RGS6: variants seen among roughly 807,000 people sequenced by gnomAD.
RGS6 encodes regulator of G protein signaling 6.
A neutral mutation model predicts 78.5 loss-of-function variants in RGS6; 30 were observed. The ratio of observed to expected loss-of-function variants is 0.38; its 90% CI spans 0.29 to 0.52. The LOEUF is 0.52. RGS6 is among the 20% of genes least tolerant of loss of function. The pLI is 0.85. For synonymous variants in RGS6, 206 were observed against 206.0 expected, an observed-to-expected ratio of 1.00 and a Z score of 0.00; for missense variants, 495 against 609.7, an observed-to-expected ratio of 0.81 and a Z score of 1.98.
At position 72,053,137 on chromosome 14, in the gene RGS6, T is replaced by C. The variant is rs1278608840; in HGVS notation, c.84+88262T>C. On this transcript the variant is annotated intron_variant, in intron 2 of 17. Transcript: ENST00000553525. The stretch of plus-strand genomic sequence containing the variant: ...CCTTCCTTCCTTCCTTCCTTTCTTT[T>C]TTTGATGGAGTCTCGCTCTGTCACC... 4.7e-4 allele frequency among the ~76,000 whole-genome samples: 48 copies of C among 102,618 alleles called. No individual in the cohort carries two copies. The East Asian group carries it at 0.012, about 25-fold the overall frequency. The allele number at this position is 102,618 out of a possible 152,430, so 67.3% of individuals were successfully genotyped here.
intron 2 of RGS6, among the ~76,000 whole-genome samples, chr14:72,130,664 G>A (rs2096294492): frequency 6.6e-6 from 1 of 152,202 alleles, no homozygotes; most frequent in South Asian, 2.1e-4. Flanking sequence ...GACAAAGAAT[G>A]TGTGGCCATC....
intron 3 of RGS6, among the ~76,000 whole-genome samples, chr14:72,367,086 A>G (rs1358096129): frequency 6.6e-6 from 1 of 152,200 alleles, no homozygotes; most frequent in African/African-American, 2.4e-5. Context: ...AATCACAGTT[A>G]AGGACAGAAC....
intron 17 of RGS6, among the ~76,000 whole-genome samples, chr14:72,544,049 T>G (rs2097360511): frequency 6.6e-6 from 1 of 152,184 alleles, no homozygotes; most frequent in South Asian, 2.1e-4. Context: ...CTCTTAAGTG[T>G]GCTTGTTGCT....
intron 2 of RGS6, among the ~76,000 whole-genome samples, chr14:72,249,759 G>GA (rs1015765890): frequency 2.6e-5 from 4 of 151,784 alleles, no homozygotes; most frequent in Non-Finnish European, 2.9e-5. Flanking sequence ...GAAACTGTGA[G>GA]AAAAAAAAGT....
At chr14:72,259,915 A>AAAAAAAAAAAAAAAAAAAAAG (rs2057827276) in intron 2 of RGS6, among the ~76,000 whole-genome samples, 1 of 149,912 alleles carries the variant, frequency 6.7e-6, no homozygotes, top group African/African-American at 2.5e-5. Context: ...CGTCTCAAAA[A>AAAAAAAAAAAAAAAAAAAAAG]AAAAAAAAAA....
intron 2 of RGS6, among the ~76,000 whole-genome samples, chr14:72,031,710 T>A (rs1224314150): frequency 6.6e-6 from 1 of 152,210 alleles, no homozygotes; most frequent in Non-Finnish European, 1.5e-5. Flanking sequence ...TAACACTTGC[T>A]TATATTTCAT....
chr14:72,205,678 G>A (rs1045691825), intron 2 of RGS6, among the ~76,000 whole-genome samples: 1 of 152,216 alleles, frequency 6.6e-6, no homozygotes, highest in African/African-American at 2.4e-5. Context: ...TGTGTGCAAA[G>A]GTTTCTGGTG....
At position 72,365,208 on chromosome 14, in the gene RGS6, T is replaced by C. The variant is rs190482808; in HGVS notation, c.184+13014T>C. On this transcript the variant is annotated intron_variant, in intron 3 of 17. Coordinates refer to ENST00000553525, the MANE Select transcript of RGS6 (RefSeq NM_001204424.2). ...TAAAGAGAACATTCTAGAAAAAGAATGTACTTGCCAAAAAAGTCAAAACTG... is the reference window on the plus strand; with the variant it reads ...TAAAGAGAACATTCTAGAAAAAGAACGTACTTGCCAAAAAAGTCAAAACTG... Among the ~76,000 whole-genome samples the C allele has an allele frequency of 1.1e-4, 17 of 152,314 alleles. No individual in the cohort carries two copies. The East Asian group carries it at 3.1e-3, about 28-fold the overall frequency.
the RGS6 span, among the ~76,000 whole-genome samples, chr14:72,606,577 C>T: frequency 3.3e-5 from 5 of 152,202 alleles, no homozygotes; most frequent in African/African-American, 1.2e-4. Context: ...GCCTTTTCCT[C>T]TCCCCAGGGA....
rs559696770 is a variant in RGS6, at chr14:72,039,792, G to A, written c.84+74917G>A. On this transcript the variant is annotated intron_variant, in intron 2 of 17. Transcript: ENST00000553525. ...TTTTCCTTTTTCCTTTTTATTTGCT[G>A]CCTTCTTTTGTGTTTCATTGATTTT... Among the ~76,000 whole-genome samples, 136 of 114,188 alleles carry A rather than the reference G, an allele frequency of 1.2e-3. 1 individual carries two copies. The highest frequency in any genetic ancestry group is 1.9e-3 in the Non-Finnish European group (100 of 51,714). 74.9% of individuals were successfully genotyped at this position (114,188 alleles called of 152,430 possible). A position where few individuals can be genotyped will look rare whatever the true frequency, so the allele number is the denominator to read the frequency against.
intron 2 of RGS6, among the ~76,000 whole-genome samples, chr14:72,164,618 A>G (rs746356809): frequency 1.3e-5 from 2 of 152,198 alleles, no homozygotes; most frequent in African/African-American, 2.4e-5. Flanking sequence ...CAAGAAGCTC[A>G]GACAACTATG....
chr14:72,126,859 T>C (rs2096206348), intron 2 of RGS6, among the ~76,000 whole-genome samples: 1 of 152,102 alleles, frequency 6.6e-6, no homozygotes. Flanking sequence ...ACAAAATGGG[T>C]CCCTCACCAC....
intron 2 of RGS6, among the ~76,000 whole-genome samples, chr14:72,101,743 A>G (rs2095532864): frequency 6.6e-6 from 1 of 152,162 alleles, no homozygotes; most frequent in Non-Finnish European, 1.5e-5. Flanking sequence ...CAAAACTTGC[A>G]TGTTGAATCT....
chr14:72,601,389 G>A, the RGS6 span, among the ~76,000 whole-genome samples: 2 of 151,204 alleles, frequency 1.3e-5, no homozygotes, highest in Non-Finnish European at 2.9e-5. Flanking sequence ...AGGACCCTTC[G>A]TGGTGCCCCT....
chr14:72,202,639 G>C (rs1381954269), intron 2 of RGS6, among the ~76,000 whole-genome samples: 3 of 152,108 alleles, frequency 2.0e-5, no homozygotes, highest in African/African-American at 4.8e-5. Context: ...TTACTGCCCA[G>C]ATGTCCCCCA....
chr14:72,571,138 G>C (rs1162200012), downstream of RGS6, among the ~76,000 whole-genome samples: 1 of 152,162 alleles, frequency 6.6e-6, no homozygotes, highest in Admixed American at 6.5e-5. Flanking sequence ...TATTAGAATT[G>C]AAAATTCCTT....
intron 2 of RGS6, among the ~76,000 whole-genome samples, chr14:72,084,822 T>C (rs1489638807): frequency 6.6e-6 from 1 of 152,202 alleles, no homozygotes. Context: ...TGTATAGTAT[T>C]GTGGCTGCTC....
chr14:71,936,567 A>G (rs1156755607), intron 1 of RGS6, among the ~76,000 whole-genome samples: 2 of 152,144 alleles, frequency 1.3e-5, no homozygotes, highest in Non-Finnish European at 2.9e-5. Flanking sequence ...GAGATCATAC[A>G]TAATCTTCAA....
chr14:72,161,397 G>A (rs4902992), intron 2 of RGS6, among the ~76,000 whole-genome samples: 17,248 of 152,150 alleles, frequency 0.11, 1,237 homozygotes, highest in Non-Finnish European at 0.15. Context: ...ATAAAAAAAA[G>A]CAATAAAGAG....
Sources: gnomAD v4.1 joint callset for allele counts (sites outside exome capture counted in the v4.1 genomes callset) on GRCh38, gnomAD v4.1.1 for gene constraint, MANE v1.5 for transcripts, NCBI Gene and HGNC (gene_info 2026-07-23, HGNC 2026-07-21) for gene names.